Variants in AEN observed in about 807,000 individuals in gnomAD.
AEN encodes apoptosis enhancing nuclease.
A neutral mutation model predicts 17.7 loss-of-function variants in AEN; 21 were observed. That is an observed-to-expected ratio of 1.19 (90% CI 0.84 to 1.71). AEN has a LOEUF of 1.71. AEN is among the 40% of genes most tolerant of loss of function. The pLI, the probability that AEN is intolerant of heterozygous loss-of-function variation, is 0.00. For synonymous variants in AEN, 190 were observed against 173.0 expected, an observed-to-expected ratio of 1.10 and a Z score of -0.77; for missense variants, 462 against 435.9, an observed-to-expected ratio of 1.06 and a Z score of -0.53.
At chr15:88,626,785 G>A in intron 2 of AEN, 36 bp downstream of exon 2, 2 of 1,576,486 alleles carry the variant, frequency 1.3e-6, no homozygotes, top group Non-Finnish European at 1.7e-6. Flanking sequence ...TGGGAGGTGT[G>A]GTGGGCTGGA....
chr15:88,612,583 A>C, the AEN span, among the ~76,000 whole-genome samples: 2 of 118,512 alleles, frequency 1.7e-5, no homozygotes, highest in African/African-American at 3.6e-5. Context: ...TTATTTATTT[A>C]TTTATTTATT....
rs139874614 is a variant in AEN, at chr15:88,623,514, T to C, written c.-65+2132T>C. ...ACCTGCCACATGCTAGCTTCTAGGC[T>C]GGCTGTTGGGGAAGGTACAATCAAG... On this transcript the variant is annotated intron_variant, in intron 1 of 3. Transcript: ENST00000332810. Among the ~76,000 whole-genome samples the C allele has an allele frequency of 4.0e-4, 61 of 152,364 alleles. 2 individuals are homozygous for C. The Middle Eastern group carries it at 0.01, about 25-fold the overall frequency.
At chr15:88,615,668 C>T in the AEN span, among the ~76,000 whole-genome samples, 2 of 152,066 alleles carry the variant, frequency 1.3e-5, no homozygotes, top group African/African-American at 4.8e-5. Context: ...TGGGCCTCAT[C>T]CCCTGACTTT....
chr15:88,609,769 A>C, the AEN span, among the ~76,000 whole-genome samples: 1 of 152,372 alleles, frequency 6.6e-6, no homozygotes, highest in African/African-American at 2.4e-5. Flanking sequence ...GGCCACAATC[A>C]GTTCAAATTC....
rs2057925503 is a variant in AEN at position 88,631,302 on chromosome 15, G to GCCC, written c.*1008_*1009insCCC. 5.3e-6 allele frequency: 2 copies of GCCC among 374,204 alleles called. No homozygotes were observed. Among genetic ancestry groups the GCCC allele is most frequent in the African/African-American group, 4.1e-5 (2 of 48,510 alleles). The allele number at this position is 374,204 out of a possible 1,614,324, so 23.2% of individuals were successfully genotyped here. A position where few individuals can be genotyped will look rare whatever the true frequency, so the allele number is the denominator to read the frequency against. ...ACGCAGTGGCCCTGAACCTGGTCTG[G>GCCC]TGCCCCCGAACCTGGTCTGATGCCC... is the stretch of plus-strand genomic sequence containing the variant. On this transcript the variant is annotated 3_prime_UTR_variant, in exon 4 of 4. Coordinates refer to ENST00000332810, the MANE Select transcript of AEN (RefSeq NM_022767.4).
upstream of AEN, among the ~76,000 whole-genome samples, chr15:88,617,128 T>C (rs2141362232): frequency 6.6e-6 from 1 of 152,324 alleles, no homozygotes; most frequent in East Asian, 1.9e-4. Context: ...TCTCACTATG[T>C]TGCCCAGGCT....
rs2057928645 is a variant in AEN, at chr15:88,631,569, G to A, written c.*1275G>A. The A allele has an allele frequency of 6.0e-6, 1 of 166,096 alleles. No individual in the cohort carries two copies. The highest frequency in any genetic ancestry group is 1.5e-4 in the South Asian group (1 of 6,552). The allele number at this position is 166,096 out of a possible 1,614,324, so 10.3% of individuals were successfully genotyped here. ...GGATAGTGGTACGGCCTACCTCATA[G>A]GGTTGTAATGAGCACTAAATGTGAA... On this transcript the variant is annotated 3_prime_UTR_variant, in exon 4 of 4. Transcript: ENST00000332810.
At chr15:88,611,593 C>G in the AEN span, among the ~76,000 whole-genome samples, 1 of 152,098 alleles carries the variant, frequency 6.6e-6, no homozygotes, top group Non-Finnish European at 1.5e-5. Context: ...AAGACCCTGT[C>G]TCACCAAAAC....
chr15:88,620,978 T>G (rs541262178), upstream of AEN, among the ~76,000 whole-genome samples: 83 of 135,964 alleles, frequency 6.1e-4, no homozygotes, highest in Non-Finnish European at 9.5e-4. Flanking sequence ...GTTCCCAATC[T>G]GCAGATGTGG....
rs2057917241 is a variant in AEN at position 88,630,700 on chromosome 15, G to A, written c.*406G>A. 4.4e-6 allele frequency: 1 copy of A among 226,930 alleles called. No homozygotes were observed. The allele number at this position is 226,930 out of a possible 1,614,324, so 14.1% of individuals were successfully genotyped here. A position where few individuals can be genotyped will look rare whatever the true frequency, so the allele number is the denominator to read the frequency against. ...CATATCATCCTCTCTGGGGATGGTGGGTGGGGGTGTCAATATCCTGGAGCT... is the reference window on the plus strand; with the variant it reads ...CATATCATCCTCTCTGGGGATGGTGAGTGGGGGTGTCAATATCCTGGAGCT... On this transcript the variant is annotated 3_prime_UTR_variant, in exon 4 of 4. Transcript: ENST00000332810. The surrounding 1 kb of genome is among the most constrained non-coding windows in gnomAD (Gnocchi z 5.1).
In AEN at chr15:88,630,199, GACATGGAACAGT is replaced by G; in HGVS notation, c.891_902del (p.Gln298_Glu301del). ...GGACAGAGAACCTGACAGCAGCACA[GACATGGAACAGT>G]ACATGGAGGACCAGTACTGGCCCGA... On this transcript the variant is annotated inframe_deletion, in exon 4 of 4. Coordinates refer to ENST00000332810, the MANE Select transcript of AEN (RefSeq NM_022767.4). This position sits in a 1 kb window ranked among gnomAD's most constrained non-coding sequence, Gnocchi z 5.1. 6.2e-7 allele frequency: 1 copy of G among 1,612,574 alleles called. No homozygotes were observed. The highest frequency in any genetic ancestry group is 8.5e-7 in the Non-Finnish European group (1 of 1,179,404).
intron 1 of AEN, among the ~76,000 whole-genome samples, chr15:88,623,800 T>C (rs1325361775): frequency 2.0e-5 from 3 of 152,180 alleles, no homozygotes; most frequent in African/African-American, 7.2e-5. Flanking sequence ...GGGTGGCTTG[T>C]GGAAGGGCCA....
upstream of AEN, among the ~76,000 whole-genome samples, chr15:88,619,107 G>C (rs527767582): frequency 6.6e-6 from 1 of 152,294 alleles, no homozygotes; most frequent in African/African-American, 2.4e-5. Context: ...CTTGGATCTT[G>C]GTGAAAGCAA....
At chr15:88,608,852 G>C in the AEN span, among the ~76,000 whole-genome samples, 7 of 152,216 alleles carry the variant, frequency 4.6e-5, no homozygotes, top group Non-Finnish European at 8.8e-5. Flanking sequence ...GGTAGGTGAT[G>C]GTTATCCTGG....
intron 3 of AEN, among the ~76,000 whole-genome samples, chr15:88,629,733 C>T (rs769508236): frequency 4.7e-4 from 72 of 152,340 alleles, no homozygotes; most frequent in Non-Finnish European, 9.1e-4. Context: ...GGTCTCCCAT[C>T]CCCTACTAGC....
At chr15:88,613,617 G>C in the AEN span, among the ~76,000 whole-genome samples, 1 of 151,716 alleles carries the variant, frequency 6.6e-6, no homozygotes, top group African/African-American at 2.4e-5. Flanking sequence ...TTCCTGATTT[G>C]AGGGATGGAT....
intron 1 of AEN, among the ~76,000 whole-genome samples, chr15:88,622,605 C>T (rs1411525140): frequency 6.6e-6 from 1 of 151,788 alleles, no homozygotes; most frequent in East Asian, 1.9e-4. Flanking sequence ...CTGCATGCAC[C>T]GGTAGTCAGA....
At chr15:88,628,971 C>T in intron 2 of AEN, 1 of 477,512 alleles carries the variant, frequency 2.1e-6, no homozygotes, top group South Asian at 2.6e-5. Context: ...AGAGCCACCC[C>T]ACGGAATGCT....
At chr15:88,611,765 A>AG in the AEN span, 7 of 400,662 alleles carry the variant, frequency 1.7e-5, no homozygotes, top group Admixed American at 1.7e-4. Context: ...AGGAGCATCC[A>AG]GACCGCTGAC....
Sources: allele counts gnomAD v4.1 joint callset (sites outside exome capture counted in the v4.1 genomes callset), GRCh38; gene constraint gnomAD v4.1.1; non-coding constraint Gnocchi (gnomAD v3.1); transcripts MANE v1.5; gene names NCBI Gene and HGNC (gene_info 2026-07-23, HGNC 2026-07-21).